The following RCC2 variants were observed in gnomAD, a reference collection of about 807,000 sequenced individuals.
The protein encoded by RCC2 is protein RCC2.
RCC2 carries 19 observed loss-of-function variants against 64.1 expected under a neutral mutation model. The ratio of observed to expected loss-of-function variants is 0.30; its 90% CI spans 0.21 to 0.44. The LOEUF (loss-of-function observed/expected upper bound fraction) is 0.44, where lower values mean the gene tolerates loss of function less well. RCC2 is among the 20% of genes least tolerant of loss of function. The pLI is 1.00. For missense variants in RCC2, 508 were observed against 710.4 expected (o/e 0.72, Z 3.24); for synonymous variants, 325 against 279.6 (o/e 1.16, Z -1.62).
intron 4 of RCC2, 24 bp downstream of exon 4, chr1:17,425,510 CCCCAGTG>C (rs1557629645): frequency 6.4e-7 from 1 of 1,562,576 alleles, no homozygotes; most frequent in Non-Finnish European, 8.7e-7. Context: ...TGACAGTGGT[CCCCAGTG>C]CCCAGCACCC....
intron 9 of RCC2, 107 bp downstream of exon 9, chr1:17,413,426 TAAAG>T (rs2075448301): frequency 8.3e-7 from 1 of 1,198,048 alleles, no homozygotes; most frequent in Non-Finnish European, 1.2e-6. Flanking sequence ...CTCAAAAAAA[TAAAG>T]AACACTGGGA....
At chr1:17,412,919 C>T (rs541774592) in intron 10 of RCC2, among the ~76,000 whole-genome samples, 154 bp downstream of exon 10, 4 of 152,304 alleles carry the variant, frequency 2.6e-5, no homozygotes, top group South Asian at 4.1e-4. Context: ...CCTGTACCCC[C>T]GGACTCTGGG....
chr1:17,431,359 A>AAAAAAAAAT (rs1553158471), intron 2 of RCC2, among the ~76,000 whole-genome samples: 2 of 44,936 alleles, frequency 4.5e-5, no homozygotes, highest in African/African-American at 1.1e-4. Context: ...AAAAAAAAAA[A>AAAAAAAAAT]ATATATATAT....
chr1:17,425,810 GC>G (rs2075609530), intron 3 of RCC2, 126 bp from the exon 4 acceptor site: 2 of 961,634 alleles, frequency 2.1e-6, no homozygotes, highest in East Asian at 2.7e-5. Flanking sequence ...GTGCCACCCT[GC>G]CTTGGCTGTT....
In RCC2 at chr1:17,420,832, A is replaced by T. The variant is rs1454366425; in HGVS notation, c.745-4T>A. 3 of 1,572,956 alleles carry T rather than the reference A, an allele frequency of 1.9e-6. No homozygotes were observed. Among genetic ancestry groups the T allele is most frequent in the Middle Eastern group, 1.7e-4 (1 of 5,894 alleles). ...TTGGCTGGCCGTTGTACATTATCTG[A>T]AAAGACAAGAAAGGAGACTTTCATT... On this transcript the variant is annotated splice_region_variant and splice_polypyrimidine_tract_variant and intron_variant, in intron 6 of 12. Transcript: ENST00000375436.
Position 17,422,697 on chromosome 1 carries a change from C to T in RCC2, c.655+8G>A. ...ACTGAGAGGAGACACCAGCAGCCACCTCCTTACCCGTCAAGGCCAAGGTGT... is the reference window on the plus strand; with the variant it reads ...ACTGAGAGGAGACACCAGCAGCCACTTCCTTACCCGTCAAGGCCAAGGTGT... On this transcript the variant is annotated splice_region_variant and intron_variant, in intron 5 of 12. Coordinates refer to ENST00000375436, the MANE Select transcript of RCC2 (RefSeq NM_018715.4). 2 of 1,613,628 alleles carry T rather than the reference C, an allele frequency of 1.2e-6. No individual in the cohort carries two copies. The highest frequency in any genetic ancestry group is 1.3e-5 in the African/African-American group (1 of 75,024).
intron 2 of RCC2, among the ~76,000 whole-genome samples, chr1:17,433,005 C>CA (rs973256266): frequency 6.6e-6 from 1 of 151,960 alleles, no homozygotes; most frequent in Non-Finnish European, 1.5e-5. Flanking sequence ...TATATACACT[C>CA]ACACACACAT....
intron 7 of RCC2, among the ~76,000 whole-genome samples, chr1:17,419,014 G>A (rs80278291): frequency 9.9e-5 from 15 of 152,168 alleles, no homozygotes; most frequent in African/African-American, 3.6e-4. Context: ...ACATCGAACA[G>A]CGGGCTTCCC....
chr1:17,412,270 G>A (rs2075435306), intron 10 of RCC2, 76 bp from the exon 11 acceptor site: 1 of 1,364,216 alleles, frequency 7.3e-7, no homozygotes, highest in African/African-American at 1.5e-5. Context: ...TCAAGGGCAT[G>A]AGTGTGAGCT....
chr1:17,416,434 T>G (rs774300409), intron 8 of RCC2, 46 bp downstream of exon 8: 2 of 1,568,972 alleles, frequency 1.3e-6, no homozygotes, highest in Admixed American at 3.5e-5. Flanking sequence ...AAACACCCCT[T>G]CCATCCTGGT....
intron 4 of RCC2, 120 bp from the exon 5 acceptor site, chr1:17,422,956 C>A: frequency 2.5e-6 from 3 of 1,183,982 alleles, no homozygotes; most frequent in Admixed American, 3.0e-5. Flanking sequence ...AGGTACCCTC[C>A]AAATTCCCAA....
intron 10 of RCC2, 103 bp from the exon 11 acceptor site, chr1:17,412,297 CG>C: frequency 1.0e-6 from 1 of 996,402 alleles, no homozygotes; most frequent in East Asian, 2.5e-5. Context: ...TTTCCCTTGG[CG>C]TACTCATTCC....
intron 11 of RCC2, among the ~76,000 whole-genome samples, chr1:17,410,365 C>T (rs1003262813): frequency 1.3e-5 from 2 of 152,178 alleles, no homozygotes; most frequent in African/African-American, 4.8e-5. Flanking sequence ...GATGACACCA[C>T]GAGTGCAGGA....
intron 9 of RCC2, 23 bp downstream of exon 9, chr1:17,413,514 G>A (rs376284698): frequency 6.2e-7 from 1 of 1,612,936 alleles, no homozygotes; most frequent in African/African-American, 1.3e-5. Flanking sequence ...GCACTGATAA[G>A]CCAGGGGGCA....
At chr1:17,432,560 C>T (rs975047748) in intron 2 of RCC2, among the ~76,000 whole-genome samples, 2 of 152,246 alleles carry the variant, frequency 1.3e-5, no homozygotes, top group Non-Finnish European at 2.9e-5. Flanking sequence ...CCACCCTACA[C>T]TGAGATGCAA....
chr1:17,416,683 C>A (rs1291461853), intron 7 of RCC2, 37 bp from the exon 8 acceptor site: 1 of 1,586,298 alleles, frequency 6.3e-7, no homozygotes, highest in Admixed American at 1.7e-5. Flanking sequence ...AGCAGCAGCA[C>A]AAGCACAAGG....
intron 2 of RCC2, among the ~76,000 whole-genome samples, chr1:17,436,722 T>C (rs1024575789): frequency 6.6e-6 from 1 of 152,138 alleles, no homozygotes; most frequent in Non-Finnish European, 1.5e-5. Context: ...ATAACTGCAG[T>C]CTTGGATGTC....
At chr1:17,430,725 T>G (rs111932154) in intron 2 of RCC2, among the ~76,000 whole-genome samples, 55,410 of 149,562 alleles carry the variant, frequency 0.37, 10,229 homozygotes, top group South Asian at 0.43. Context: ...GAGGCGGAGG[T>G]TGCAGTAAGC....
At chr1:17,423,512 C>A (rs1033880890) in intron 4 of RCC2, among the ~76,000 whole-genome samples, 1 of 152,220 alleles carries the variant, frequency 6.6e-6, no homozygotes, top group Admixed American at 6.5e-5. Flanking sequence ...TCTGTGAATT[C>A]CAGCGGAAGG....
Sources: gnomAD v4.1 joint callset for allele counts (sites outside exome capture counted in the v4.1 genomes callset) on GRCh38, gnomAD v4.1.1 for gene constraint, MANE v1.5 for transcripts, NCBI Gene and HGNC (gene_info 2026-07-23, HGNC 2026-07-21) for gene names.